C2CD3: variants seen among roughly 807,000 people sequenced by gnomAD.
C2CD3 encodes the protein C2 domain-containing protein 3.
Under a neutral mutation model 234.0 loss-of-function variants are expected in C2CD3, and 148 were observed. The ratio of observed to expected loss-of-function variants is 0.63; its 90% confidence interval spans 0.55 to 0.72. C2CD3 has a LOEUF of 0.72. Ranked by LOEUF, C2CD3 falls within the 30% of genes least tolerant of loss-of-function variation. C2CD3 has a pLI of 0.00. For synonymous variants in C2CD3, 1,000 were observed against 1,035.4 expected, an observed-to-expected ratio of 0.97 and a Z score of 0.66; for missense variants, 2,577 against 2,811.5, an observed-to-expected ratio of 0.92 and a Z score of 1.89.
At chr11:74,106,343 C>T in intron 13 of C2CD3, 28 bp downstream of exon 13, 3 of 1,610,962 alleles carry the variant, frequency 1.9e-6, no homozygotes, top group Non-Finnish European at 2.5e-6. Context: ...GCAAATACTT[C>T]TGACTTCCTG....
intron 25 of C2CD3, among the ~76,000 whole-genome samples, chr11:74,055,108 C>A (rs1481240885): frequency 6.6e-6 from 1 of 152,200 alleles, no homozygotes; most frequent in East Asian, 1.9e-4. Flanking sequence ...CCACGTGTTT[C>A]ATATACATTT....
intron 24 of C2CD3, 104 bp downstream of exon 24, chr11:74,074,149 A>T: frequency 1.3e-6 from 1 of 779,486 alleles, no homozygotes; most frequent in Non-Finnish European, 2.1e-6. Flanking sequence ...AATATTTATC[A>T]GTTGAGATAA....
intron 5 of C2CD3, 93 bp downstream of exon 5, chr11:74,138,627 C>T (rs1419950595): frequency 1.0e-6 from 1 of 995,962 alleles, no homozygotes; most frequent in South Asian, 1.5e-5. Flanking sequence ...TTAGTTCAAA[C>T]AAGAGTCTTG....
intron 24 of C2CD3, among the ~76,000 whole-genome samples, chr11:74,065,016 G>T (rs1439049939): frequency 1.3e-5 from 2 of 152,166 alleles, no homozygotes; most frequent in Admixed American, 1.3e-4. Flanking sequence ...AGGACTTCAT[G>T]TCTAAAACAC....
intron 26 of C2CD3, among the ~76,000 whole-genome samples, chr11:74,052,180 G>T (rs1953723588): frequency 6.6e-6 from 1 of 152,134 alleles, no homozygotes; most frequent in African/African-American, 2.4e-5. Flanking sequence ...TTTATGACCA[G>T]ATCTTAGCAA....
intron 24 of C2CD3, among the ~76,000 whole-genome samples, chr11:74,067,013 C>A (rs1381196280): frequency 6.6e-6 from 1 of 152,200 alleles, no homozygotes; most frequent in Admixed American, 6.5e-5. Flanking sequence ...TTCCATAATA[C>A]AACCATATTT....
chr11:74,034,972 A>C (rs1952670774), intron 30 of C2CD3, among the ~76,000 whole-genome samples: 2 of 152,280 alleles, frequency 1.3e-5, no homozygotes, highest in Admixed American at 6.5e-5. Context: ...TAACCACTTA[A>C]TAAACAGAAG....
chr11:74,077,327 G>A (rs566214147), intron 23 of C2CD3, among the ~76,000 whole-genome samples: 5 of 152,140 alleles, frequency 3.3e-5, no homozygotes, highest in Middle Eastern at 6.8e-3. Context: ...GCAAAAATCC[G>A]ATGAGTTTGG....
At chr11:74,118,108 G>T in intron 9 of C2CD3, 120 bp downstream of exon 9, 2 of 658,124 alleles carry the variant, frequency 3.0e-6, no homozygotes, top group East Asian at 2.8e-5. Context: ...AATGTTTACT[G>T]AGTTATTGTA....
At chr11:74,050,727 G>C (rs979549719) in intron 26 of C2CD3, among the ~76,000 whole-genome samples, 5 of 147,058 alleles carry the variant, frequency 3.4e-5, no homozygotes, top group African/African-American at 1.4e-4. Context: ...ACAGCTTGCT[G>C]TCCTTTAGAC....
chr11:74,117,049 TATATATATATGAATATATATATATGA>T lies in C2CD3; in HGVS notation c.1520+1153_1520+1178del, dbSNP rs1565313186. 1.2e-3 allele frequency among the ~76,000 whole-genome samples: 31 copies of T among 25,242 alleles called. 1 individual carries two copies. Among genetic ancestry groups the T allele is most frequent in the Non-Finnish European group, 2.0e-3 (20 of 10,052 alleles). 16.6% of individuals were successfully genotyped at this position (25,242 alleles called of 152,430 possible). ...GTATATGTATATATACGTGTGTGTG[TATATATATATGAATATATATATATGA>T]ATATATATATGAATATATATATATG... On this transcript the variant is annotated intron_variant, in intron 9 of 32. Transcript: ENST00000334126.
chr11:74,061,094 T>C (rs908528849), intron 24 of C2CD3, among the ~76,000 whole-genome samples: 4 of 152,112 alleles, frequency 2.6e-5, no homozygotes, highest in South Asian at 2.1e-4. Flanking sequence ...TAAAAAGAAA[T>C]GAACAAAGCC....
chr11:74,117,597 G>C (rs1957069139), intron 9 of C2CD3, among the ~76,000 whole-genome samples: 1 of 151,644 alleles, frequency 6.6e-6, no homozygotes, highest in African/African-American at 2.4e-5. Flanking sequence ...GGCAAGAGTG[G>C]GAAGAAGGTG....
intron 3 of C2CD3, among the ~76,000 whole-genome samples, chr11:74,143,000 T>G (rs569537488): frequency 6.6e-6 from 1 of 152,188 alleles, no homozygotes; most frequent in Non-Finnish European, 1.5e-5. Flanking sequence ...TCTCTTCCAA[T>G]AGAAACCACC....
At chr11:74,071,017 A>G (rs1402386960) in intron 24 of C2CD3, 3 of 152,150 alleles carry the variant, frequency 2.0e-5, no homozygotes, top group Non-Finnish European at 2.9e-5. Flanking sequence ...AAGTTTTCCT[A>G]TACTACCACA....
rs2135487259 is a variant in C2CD3, at chr11:74,095,338, G to A, written c.3050C>T (p.Ala1017Val). 1.5e-5 allele frequency: 25 copies of A among 1,613,772 alleles called. No homozygotes were observed. Among genetic ancestry groups the A allele is most frequent in the Non-Finnish European group, 2.1e-5 (25 of 1,179,746 alleles). Residue 1017 changes from alanine to valine, a missense_variant, in exon 17 of 33, where the codon GCC (alanine) becomes GTC (valine). Coordinates refer to ENST00000334126, the MANE Select transcript of C2CD3 (RefSeq NM_001286577.2). ...TCCCCAGACTGTTGCCTGAAGAGGG[G>A]CTAGCCCTTTAACCATCTCTATATG... ...EIHIEMVKGL[A>V]PLQATVWGEA... is the part of the protein sequence containing the mutation.
At chr11:74,160,519 T>G (rs2135568870) in intron 3 of C2CD3, among the ~76,000 whole-genome samples, 1 of 152,178 alleles carries the variant, frequency 6.6e-6, no homozygotes, top group Non-Finnish European at 1.5e-5. Context: ...ATAATCTCAC[T>G]CAGATAGAAT....
intron 7 of C2CD3, among the ~76,000 whole-genome samples, chr11:74,131,283 A>G (rs1008602661): frequency 3.3e-5 from 5 of 150,882 alleles, no homozygotes; most frequent in Non-Finnish European, 7.4e-5. Context: ...AGATCAAGCC[A>G]TTACACTCTA....
At chr11:74,054,532 A>AG (rs1953869248) in intron 26 of C2CD3, 75 bp downstream of exon 26, 3 of 679,158 alleles carry the variant, frequency 4.4e-6, no homozygotes, top group Non-Finnish European at 7.3e-6. Context: ...AAAAAAAAAA[A>AG]GGAATGGTAG....
Sources: gnomAD v4.1 joint callset for allele counts (sites outside exome capture counted in the v4.1 genomes callset) on GRCh38, gnomAD v4.1.1 for gene constraint, MANE v1.5 for transcripts, NCBI Gene and HGNC (gene_info 2026-07-23, HGNC 2026-07-21) for gene names.